Variants in SLC22A3 observed in about 807,000 individuals in gnomAD.
SLC22A3 encodes the protein solute carrier family 22 member 3.
A neutral mutation model predicts 59.1 loss-of-function variants in SLC22A3; 51 were observed. That is an observed-to-expected ratio of 0.86 (90% CI 0.69 to 1.09). SLC22A3 has a LOEUF of 1.09. Among genes scored for constraint, SLC22A3 ranks in the 50% least tolerant of loss-of-function variants. SLC22A3 has a pLI of 0.00. For missense variants in SLC22A3, 711 were observed against 726.3 expected (o/e 0.98, Z 0.24); for synonymous variants, 325 against 292.0 (o/e 1.11, Z -1.15).
rs1299953837 is a variant in SLC22A3 at position 160,437,028 on chromosome 6, G to C, written c.1105G>C (p.Val369Leu). The C allele has an allele frequency of 6.2e-7, 1 of 1,614,142 alleles. No homozygotes were observed. The highest frequency in any genetic ancestry group is 8.5e-7 in the Non-Finnish European group (1 of 1,179,998). ...AAGCGCAGTGGTGTATCAAGGACTT[G>C]TCATGCGCCTGGGAATTATAGGGGG... is the stretch of plus-strand genomic sequence containing the variant. ...FTSAVVYQGLVMRLGIIGGNL... is the reference protein window; with the variant it reads ...FTSAVVYQGLLMRLGIIGGNL... Residue 369 changes from valine to leucine, a missense_variant, in exon 7 of 11, where the codon GTC (valine) becomes CTC (leucine). Transcript: ENST00000275300.
chr6:160,371,022 C>T (rs545765363), intron 1 of SLC22A3, among the ~76,000 whole-genome samples: 27 of 152,214 alleles, frequency 1.8e-4, no homozygotes, highest in African/African-American at 4.8e-5. Flanking sequence ...GTGCTTTTAT[C>T]GCATTCTGTG....
intron 1 of SLC22A3, among the ~76,000 whole-genome samples, chr6:160,389,302 G>A (rs1786151021): frequency 6.6e-6 from 1 of 152,054 alleles, no homozygotes; most frequent in African/African-American, 2.4e-5. Context: ...CCAACTGACT[G>A]ATCCAATCAA....
At chr6:160,426,211 C>T (rs1247079993) in intron 5 of SLC22A3, 1 of 985,236 alleles carries the variant, frequency 1.0e-6, no homozygotes, top group East Asian at 1.1e-4. Flanking sequence ...CAAACTAAAC[C>T]AAAGGCTTTC....
chr6:160,349,072 C>G, intron 1 of SLC22A3: 1 of 985,432 alleles, frequency 1.0e-6, no homozygotes, highest in Non-Finnish European at 1.2e-6. Context: ...AGTTAATGCA[C>G]AGATACTTTG....
At chr6:160,398,410 T>C (rs1786614356) in intron 2 of SLC22A3, among the ~76,000 whole-genome samples, 1 of 152,202 alleles carries the variant, frequency 6.6e-6, no homozygotes, top group Admixed American at 6.5e-5. Flanking sequence ...AATCAATCAA[T>C]TCGATGTGCT....
Position 160,452,164 on chromosome 6 carries a change from C to G in SLC22A3, c.*1108C>G, listed in dbSNP as rs1788992902. The G allele has an allele frequency of 6.6e-6, 1 of 152,040 alleles. No individual in the cohort carries two copies. The highest frequency in any genetic ancestry group is 2.1e-4 in the South Asian group (1 of 4,820). The allele number at this position is 152,040 out of a possible 1,614,324, so 9.4% of individuals were successfully genotyped here. On this transcript the variant is annotated 3_prime_UTR_variant, in exon 11 of 11. Coordinates refer to ENST00000275300, the MANE Select transcript of SLC22A3 (RefSeq NM_021977.4). ...TTTTGAAATGTGGAACTTGTGTGTT[C>G]TGCTTTATATGTTATATTCAATATC... is the stretch of plus-strand genomic sequence containing the variant.
rs942785699 is a variant in SLC22A3 at position 160,452,276 on chromosome 6, T to C, written c.*1220T>C. 2 of 152,204 alleles carry C rather than the reference T, an allele frequency of 1.3e-5. No individual in the cohort carries two copies. The highest frequency in any genetic ancestry group is 4.8e-5 in the African/African-American group (2 of 41,456). The allele number at this position is 152,204 out of a possible 1,614,324, so 9.4% of individuals were successfully genotyped here. A position where few individuals can be genotyped will look rare whatever the true frequency, so the allele number is the denominator to read the frequency against. Reference sequence around the variant, plus strand: ...GCAAAATTGGTACCAAAGGGAAACATTAACCATGAGGAAGAGCATTTTTCT... The same window carrying C: ...GCAAAATTGGTACCAAAGGGAAACACTAACCATGAGGAAGAGCATTTTTCT... On this transcript the variant is annotated 3_prime_UTR_variant, in exon 11 of 11. Transcript: ENST00000275300.
intron 1 of SLC22A3, among the ~76,000 whole-genome samples, chr6:160,368,233 G>T (rs895006364): frequency 9.2e-5 from 14 of 151,954 alleles, no homozygotes; most frequent in African/African-American, 3.4e-4. Flanking sequence ...ACGCTTCTTC[G>T]ATGTCCTGCA....
At chr6:160,448,747 T>C (rs58260838) in intron 10 of SLC22A3, among the ~76,000 whole-genome samples, 9,561 of 152,146 alleles carry the variant, frequency 0.063, 1,024 homozygotes, top group African/African-American at 0.22. Context: ...TAGTACAAGA[T>C]GTAAAATATT....
chr6:160,433,937 T>G (rs1037947362), intron 5 of SLC22A3, among the ~76,000 whole-genome samples: 5 of 152,296 alleles, frequency 3.3e-5, no homozygotes, highest in African/African-American at 1.2e-4. Context: ...TGTGAATATT[T>G]CTTTTGAAAA....
intron 1 of SLC22A3, among the ~76,000 whole-genome samples, chr6:160,374,066 C>G (rs1212116513): frequency 6.6e-6 from 1 of 152,194 alleles, no homozygotes; most frequent in Non-Finnish European, 1.5e-5. Flanking sequence ...GAAAAAAACT[C>G]CTGCAGCTAG....
At chr6:160,401,865 A>G (rs537313257) in intron 2 of SLC22A3, among the ~76,000 whole-genome samples, 54 of 152,082 alleles carry the variant, frequency 3.6e-4, no homozygotes, top group Middle Eastern at 3.4e-3. Context: ...ATTTTTTTTA[A>G]AAAAGCATGA....
At chr6:160,349,438 T>C (rs1784589019) in intron 1 of SLC22A3, among the ~76,000 whole-genome samples, 1 of 152,194 alleles carries the variant, frequency 6.6e-6, no homozygotes, top group South Asian at 2.1e-4. Context: ...AAGAGCAACA[T>C]CTGGGATAAG....
intron 1 of SLC22A3, among the ~76,000 whole-genome samples, chr6:160,370,333 C>G (rs1402298205): frequency 6.6e-6 from 1 of 152,210 alleles, no homozygotes. Context: ...GTCCCAGTCT[C>G]CCTCCTCAAG....
chr6:160,395,105 G>C (rs1044885715), intron 1 of SLC22A3, among the ~76,000 whole-genome samples: 6 of 152,164 alleles, frequency 3.9e-5, no homozygotes, highest in Non-Finnish European at 7.4e-5. Flanking sequence ...AGAAAATGTT[G>C]TGTTATCGCT....
intron 5 of SLC22A3, among the ~76,000 whole-genome samples, chr6:160,413,416 G>T (rs1293967848): frequency 6.6e-6 from 1 of 152,186 alleles, no homozygotes; most frequent in East Asian, 1.9e-4. Flanking sequence ...TACAAAAATA[G>T]TTGAATGAAT....
chr6:160,356,188 C>T (rs535390631), intron 1 of SLC22A3, among the ~76,000 whole-genome samples: 2 of 152,214 alleles, frequency 1.3e-5, no homozygotes, highest in South Asian at 4.1e-4. Flanking sequence ...TTCCTTGCCT[C>T]ATCCTCCGCC....
At chr6:160,359,892 C>T (rs1562467340) in intron 1 of SLC22A3, among the ~76,000 whole-genome samples, 1 of 152,112 alleles carries the variant, frequency 6.6e-6, no homozygotes, top group Non-Finnish European at 1.5e-5. Flanking sequence ...AAACAGAGTC[C>T]AAGAAAAATT....
At chr6:160,400,763 C>T (rs1325944485) in intron 2 of SLC22A3, among the ~76,000 whole-genome samples, 1 of 151,606 alleles carries the variant, frequency 6.6e-6, no homozygotes, top group East Asian at 1.9e-4. Flanking sequence ...TGTAAAACAA[C>T]TATGCCAAGA....
Sources: gnomAD v4.1 joint callset for allele counts (sites outside exome capture counted in the v4.1 genomes callset) on GRCh38, gnomAD v4.1.1 for gene constraint, MANE v1.5 for transcripts, NCBI Gene and HGNC (gene_info 2026-07-23, HGNC 2026-07-21) for gene names.